Variants in RUNX1 observed in about 807,000 individuals in gnomAD.
The protein encoded by RUNX1 is runt-related transcription factor 1.
A neutral mutation model predicts 42.8 loss-of-function variants in RUNX1; 19 were observed. The observed-to-expected ratio is 0.44, with a 90% CI of 0.31 to 0.65. The LOEUF is 0.65. RUNX1 is among the 30% of genes least tolerant of loss of function. The probability of loss-of-function intolerance (pLI) is 0.07; values close to 1 mark genes in which losing one functional copy is unlikely to be tolerated. For missense variants in RUNX1, 528 were observed against 672.0 expected (o/e 0.79, Z 2.37); for synonymous variants, 271 against 289.4 (o/e 0.94, Z 0.64).
intron 2 of RUNX1, among the ~76,000 whole-genome samples, chr21:34,959,107 G>A (rs1445306208): frequency 1.3e-5 from 2 of 151,514 alleles, no homozygotes; most frequent in Non-Finnish European, 2.9e-5. Context: ...GCTAAATGAC[G>A]AGTTAATGGG....
intron 2 of RUNX1, among the ~76,000 whole-genome samples, chr21:34,953,327 G>A (rs1406302316): frequency 6.6e-6 from 1 of 152,138 alleles, no homozygotes; most frequent in African/African-American, 2.4e-5. Context: ...TTAGGTAAGA[G>A]ATGTCATTTC....
chr21:34,813,425 A>C (rs928455690), intron 7 of RUNX1, among the ~76,000 whole-genome samples: 1 of 152,176 alleles, frequency 6.6e-6, no homozygotes, highest in Non-Finnish European at 1.5e-5. Flanking sequence ...TGGGCACAGT[A>C]CAAATGAACT....
rs947637878 is a variant in RUNX1, at chr21:34,984,213, G to C, written c.58+64629C>G. Among the ~76,000 whole-genome samples, 8 of 152,204 alleles carry C rather than the reference G, an allele frequency of 5.3e-5. No homozygotes were observed. The East Asian group carries it at 1.5e-3, about 29-fold the overall frequency. ...TTGGAGTAAGAGAGAAGGAAGAGTA[G>C]CTAGAGAAAAAAATGTGGAAAAAGC... On this transcript the variant is annotated intron_variant, in intron 2 of 8. Coordinates refer to ENST00000675419, the MANE Select transcript of RUNX1 (RefSeq NM_001754.5).
intron 2 of RUNX1, among the ~76,000 whole-genome samples, chr21:34,978,126 G>A (rs969248064): frequency 1.3e-5 from 2 of 152,126 alleles, no homozygotes; most frequent in African/African-American, 2.4e-5. Context: ...TTTTAGTAGA[G>A]ACGGGGTTTC....
At chr21:34,871,948 A>G (rs1157021327) in intron 5 of RUNX1, among the ~76,000 whole-genome samples, 1 of 151,368 alleles carries the variant, frequency 6.6e-6, no homozygotes, top group South Asian at 2.1e-4. Flanking sequence ...GGTTCAAGCA[A>G]TTTTCCTGCC....
At chr21:34,828,492 T>G (rs1208939448) in intron 7 of RUNX1, among the ~76,000 whole-genome samples, 1 of 152,112 alleles carries the variant, frequency 6.6e-6, no homozygotes, top group African/African-American at 2.4e-5. Context: ...CTGGAAAGAG[T>G]TAAGACTTTG....
chr21:34,829,182 C>T (rs935400661), intron 7 of RUNX1, among the ~76,000 whole-genome samples: 6 of 152,330 alleles, frequency 3.9e-5, no homozygotes, highest in African/African-American at 1.4e-4. Context: ...GATCTGCTAT[C>T]TTTCTTGGCT....
At position 34,893,082 on chromosome 21, in the gene RUNX1, A is replaced by C. The variant is rs140749043; in HGVS notation, c.59-119T>G. 151 of 681,692 alleles carry C rather than the reference A, an allele frequency of 2.2e-4. No individual in the cohort carries two copies. In the African/African-American group the frequency reaches 2.6e-3, roughly 12 times the overall value. The allele number at this position is 681,692 out of a possible 1,614,324, so 42.2% of individuals were successfully genotyped here. On this transcript the variant is annotated intron_variant, in intron 2 of 8. Coordinates refer to ENST00000675419, the MANE Select transcript of RUNX1 (RefSeq NM_001754.5). ...ACACTTTTTAGCACTGGAGATTTTT[A>C]TAGCTTTGACACAAAAATGACTTGA...
chr21:34,860,531 G>GTGTA (rs2057558786), intron 5 of RUNX1, among the ~76,000 whole-genome samples: 1 of 40,698 alleles, frequency 2.5e-5, no homozygotes, highest in South Asian at 6.5e-4. Flanking sequence ...GTGTCTGTGC[G>GTGTA]TGTGTGTGTG....
intron 5 of RUNX1, among the ~76,000 whole-genome samples, chr21:34,866,289 A>G (rs999778404): frequency 6.6e-6 from 1 of 152,200 alleles, no homozygotes; most frequent in African/African-American, 2.4e-5. Flanking sequence ...AAACGCCCAA[A>G]GAGTGAGAAA....
chr21:34,899,087 T>C (rs2058154545), intron 2 of RUNX1, among the ~76,000 whole-genome samples: 1 of 152,192 alleles, frequency 6.6e-6, no homozygotes, highest in Non-Finnish European at 1.5e-5. Flanking sequence ...GTACTTTTTG[T>C]ATTTTTTGTA....
chr21:34,797,970 A>C (rs1195090615), intron 8 of RUNX1: 5 of 455,638 alleles, frequency 1.1e-5, no homozygotes, highest in Non-Finnish European at 2.2e-5. Flanking sequence ...GACCCCCCCC[A>C]ACAAAGAATT....
At chr21:34,820,542 C>A (rs1179565074) in intron 7 of RUNX1, among the ~76,000 whole-genome samples, 3 of 151,720 alleles carry the variant, frequency 2.0e-5, no homozygotes, top group African/African-American at 7.3e-5. Flanking sequence ...GTAATCCCGA[C>A]TCTGTAATCC....
chr21:34,988,063 G>A (rs2058905710), intron 2 of RUNX1, among the ~76,000 whole-genome samples: 3 of 152,158 alleles, frequency 2.0e-5, no homozygotes, highest in African/African-American at 7.2e-5. Flanking sequence ...AATTCACTCT[G>A]TAAATTTCTA....
At chr21:34,815,972 C>G (rs1280121564) in intron 7 of RUNX1, among the ~76,000 whole-genome samples, 4 of 151,912 alleles carry the variant, frequency 2.6e-5, no homozygotes, top group Admixed American at 1.3e-4. Context: ...TGGAGACTTC[C>G]TAGGCTCCTC....
chr21:34,796,841 CTT>C (rs2056535409), intron 8 of RUNX1, among the ~76,000 whole-genome samples: 1 of 152,120 alleles, frequency 6.6e-6, no homozygotes, highest in Non-Finnish European at 1.5e-5. Flanking sequence ...GATGACAACT[CTT>C]TTCAGACAAG....
intron 7 of RUNX1, among the ~76,000 whole-genome samples, chr21:34,822,140 G>C (rs117628382): frequency 1.3e-5 from 2 of 152,334 alleles, no homozygotes; most frequent in Non-Finnish European, 2.9e-5. Context: ...CAGAATGACA[G>C]AATGTTAGTG....
intron 2 of RUNX1, among the ~76,000 whole-genome samples, chr21:34,943,886 T>C (rs1057060856): frequency 6.6e-6 from 1 of 152,234 alleles, no homozygotes; most frequent in Non-Finnish European, 1.5e-5. Context: ...GATTTGCCGA[T>C]ATAGAGCATT....
Position 34,978,654 on chromosome 21 carries a change from A to G in RUNX1, c.58+70188T>C, listed in dbSNP as rs529481437. 7.9e-4 allele frequency among the ~76,000 whole-genome samples: 121 copies of G among 152,208 alleles called. 2 individuals are homozygous for G. Among genetic ancestry groups the G allele is most frequent in the African/African-American group, 2.8e-3 (116 of 41,524 alleles). On this transcript the variant is annotated intron_variant, in intron 2 of 8. Coordinates refer to ENST00000675419, the MANE Select transcript of RUNX1 (RefSeq NM_001754.5). The stretch of plus-strand genomic sequence containing the variant: ...GTGTTTCCTGGTTAAAAAGCACGAA[A>G]CTTTTCAACATTTGCTGCTCATTTT...
Sources: allele counts gnomAD v4.1 joint callset (sites outside exome capture counted in the v4.1 genomes callset), GRCh38; gene constraint gnomAD v4.1.1; transcripts MANE v1.5; gene names NCBI Gene and HGNC (gene_info 2026-07-23, HGNC 2026-07-21).